NAV3: variants seen among roughly 807,000 people sequenced by gnomAD.
The protein encoded by NAV3 is pore membrane and/or filament interacting like protein 1.
Under a neutral mutation model 244.7 loss-of-function variants are expected in NAV3, and 87 were observed. The ratio of observed to expected loss-of-function variants is 0.36; its 90% CI spans 0.30 to 0.42. The LOEUF (loss-of-function observed/expected upper bound fraction) is 0.42, where lower values mean the gene tolerates loss of function less well. Ranked by LOEUF, NAV3 falls within the 20% of genes least tolerant of loss-of-function variation. The pLI, the probability that NAV3 is intolerant of heterozygous loss-of-function variation, is 1.00. For synonymous variants in NAV3, 1,126 were observed against 1,042.2 expected, an observed-to-expected ratio of 1.08 and a Z score of -1.55; for missense variants, 2,663 against 2,893.3, an observed-to-expected ratio of 0.92 and a Z score of 1.83.
At chr12:77,930,503 C>A (rs1445850511) in intron 1 of NAV3, among the ~76,000 whole-genome samples, 1 of 151,854 alleles carries the variant, frequency 6.6e-6, no homozygotes, top group African/African-American at 2.4e-5. Flanking sequence ...TCCTTATAAT[C>A]CAATTCTCAC....
intron 1 of NAV3, among the ~76,000 whole-genome samples, chr12:77,853,359 T>G (rs1877847298): frequency 6.6e-6 from 1 of 152,240 alleles, no homozygotes; most frequent in African/African-American, 2.4e-5. Context: ...AGAAATTTTT[T>G]AAACATTTTC....
intron 3 of NAV3, among the ~76,000 whole-genome samples, chr12:77,956,533 G>T (rs1043277246): frequency 2.0e-5 from 3 of 152,066 alleles, no homozygotes; most frequent in African/African-American, 7.2e-5. Flanking sequence ...ATTGTAGCAG[G>T]GTTTGAGTCC....
intron 2 of NAV3, among the ~76,000 whole-genome samples, chr12:77,613,470 A>G (rs1871012456): frequency 1.3e-5 from 2 of 152,110 alleles, no homozygotes; most frequent in Admixed American, 1.3e-4. Flanking sequence ...TTTTTACATG[A>G]AAATCATGTT....
chr12:77,662,817 T>C (rs1157893064), intron 2 of NAV3, among the ~76,000 whole-genome samples: 3 of 152,068 alleles, frequency 2.0e-5, no homozygotes, highest in Non-Finnish European at 2.9e-5. Flanking sequence ...AACACAGAAA[T>C]TGACAATTAA....
chr12:77,869,803 A>G (rs1452793844), intron 1 of NAV3, among the ~76,000 whole-genome samples: 1 of 152,136 alleles, frequency 6.6e-6, no homozygotes, highest in African/African-American at 2.4e-5. Flanking sequence ...CCTTTAGACA[A>G]TATGCTTTAT....
At chr12:77,815,493 T>A (rs1312522527) in intron 2 of NAV3, among the ~76,000 whole-genome samples, 1 of 152,172 alleles carries the variant, frequency 6.6e-6, no homozygotes, top group Non-Finnish European at 1.5e-5. Context: ...TTTTGCAGGC[T>A]AAGGGTCTCT....
chr12:77,862,251 A>G (rs971756289), intron 1 of NAV3, among the ~76,000 whole-genome samples: 2 of 151,748 alleles, frequency 1.3e-5, no homozygotes, highest in African/African-American at 4.8e-5. Context: ...AATGTTTTTA[A>G]GTTAAATATA....
rs139649714 is a variant in NAV3 at position 78,108,060 on chromosome 12, C to T, written c.2637-8712C>T. On this transcript the variant is annotated intron_variant, in intron 12 of 39. Transcript: ENST00000397909. ...ATATGATCCAAATATATGCTGATTA[C>T]AAGAAACTTACCAGGCAGACATACA... 2.4e-3 allele frequency among the ~76,000 whole-genome samples: 368 copies of T among 152,064 alleles called. 3 individuals are homozygous for T. Among genetic ancestry groups the T allele is most frequent in the African/African-American group, 8.6e-3 (357 of 41,486 alleles).
intron 2 of NAV3, among the ~76,000 whole-genome samples, chr12:77,573,982 G>A (rs964972940): frequency 6.6e-6 from 1 of 152,058 alleles, no homozygotes; most frequent in Non-Finnish European, 1.5e-5. Flanking sequence ...TCGTTTACTA[G>A]GCCAACTCAC....
chr12:77,810,732 C>A lies in NAV3; in HGVS notation c.73-129587C>A, dbSNP rs149853443. Among the ~76,000 whole-genome samples the A allele has an allele frequency of 1.6e-4, 25 of 152,112 alleles. No individual in the cohort carries two copies. The East Asian group carries it at 4.4e-3, about 27-fold the overall frequency. On this transcript the variant is annotated intron_variant, in intron 2 of 8. Transcript: ENST00000550042. ...ACTAGCAAATGTATTCCTTATTAAG[C>A]CTCTTCATTCAATACTAGTTTTTTT...
chr12:77,643,732 T>C (rs1872514345), intron 2 of NAV3, among the ~76,000 whole-genome samples: 1 of 152,002 alleles, frequency 6.6e-6, no homozygotes, highest in Non-Finnish European at 1.5e-5. Context: ...ATTTCATGAG[T>C]TATTAGATAA....
intron 2 of NAV3, among the ~76,000 whole-genome samples, chr12:77,608,584 A>C (rs1870772044): frequency 6.6e-6 from 1 of 152,122 alleles, no homozygotes; most frequent in African/African-American, 2.4e-5. Flanking sequence ...TAAGCAGCTG[A>C]GGTCACACCT....
chr12:77,861,350 T>C (rs1879235247), intron 1 of NAV3, among the ~76,000 whole-genome samples: 1 of 151,872 alleles, frequency 6.6e-6, no homozygotes. Flanking sequence ...TATTATCATA[T>C]GGCATCTGTC....
Position 77,831,289 on chromosome 12 carries a change from A to G in NAV3, c.-173A>G, listed in dbSNP as rs1290170002. On this transcript the variant is annotated 5_prime_UTR_variant, in exon 1 of 40. Transcript: ENST00000397909. ...CAAGAAAGAAAAGATACTTAACTAA[A>G]GATGCAGGGAAGTTTTGCCTCTTCC... The G allele has an allele frequency of 5.2e-6, 3 of 573,324 alleles. No individual in the cohort carries two copies. Among genetic ancestry groups the G allele is most frequent in the Non-Finnish European group, 8.9e-6 (3 of 337,690 alleles). 35.5% of individuals were successfully genotyped at this position (573,324 alleles called of 1,614,324 possible). A position where few individuals can be genotyped will look rare whatever the true frequency, so the allele number is the denominator to read the frequency against.
intron 12 of NAV3, among the ~76,000 whole-genome samples, chr12:78,085,108 A>G (rs1953563779): frequency 6.6e-6 from 1 of 152,184 alleles, no homozygotes; most frequent in African/African-American, 2.4e-5. Context: ...ATATACAACT[A>G]ATGCAAATTG....
At chr12:77,901,227 A>G (rs1885253382) in intron 1 of NAV3, among the ~76,000 whole-genome samples, 1 of 152,180 alleles carries the variant, frequency 6.6e-6, no homozygotes, top group African/African-American at 2.4e-5. Context: ...CTTTAGTTTA[A>G]GTAGGTCCCA....
chr12:78,047,554 T>A (rs1882036727), intron 9 of NAV3, among the ~76,000 whole-genome samples: 1 of 152,186 alleles, frequency 6.6e-6, no homozygotes, highest in Non-Finnish European at 1.5e-5. Flanking sequence ...CCTCTGGCTT[T>A]TAGGGTTTCT....
At chr12:77,774,910 G>A (rs1460650826) in intron 2 of NAV3, among the ~76,000 whole-genome samples, 1 of 152,172 alleles carries the variant, frequency 6.6e-6, no homozygotes, top group Non-Finnish European at 1.5e-5. Flanking sequence ...CTTCCATTTA[G>A]TATATTTCTG....
chr12:78,146,311 G>T (rs1310474927), intron 20 of NAV3, 58 bp from the exon 21 acceptor site: 3 of 699,438 alleles, frequency 4.3e-6, no homozygotes, highest in African/African-American at 3.6e-5. Context: ...ATTTATACTT[G>T]TGGAATTAAT....
Sources: allele counts gnomAD v4.1 joint callset (sites outside exome capture counted in the v4.1 genomes callset), GRCh38; gene constraint gnomAD v4.1.1; transcripts MANE v1.5; gene names NCBI Gene and HGNC (gene_info 2026-07-23, HGNC 2026-07-21).